ANK3: variants seen among roughly 807,000 people sequenced by gnomAD.
The protein encoded by ANK3 is ankyrin 3.
Under a neutral mutation model 370.9 loss-of-function variants are expected in ANK3, and 57 were observed. The observed-to-expected ratio is 0.15, with a 90% CI of 0.12 to 0.19. ANK3 has a LOEUF of 0.19. Among genes scored for constraint, ANK3 ranks in the 10% least tolerant of loss-of-function variants. ANK3 has a pLI of 1.00. For missense variants in ANK3, 4,439 were observed against 5,302.1 expected (o/e 0.84, Z 5.06); for synonymous variants, 1,929 against 1,946.3 (o/e 0.99, Z 0.23).
At chr10:60,232,495 G>T (rs961060386) in intron 8 of ANK3, among the ~76,000 whole-genome samples, 5 of 152,140 alleles carry the variant, frequency 3.3e-5, no homozygotes, top group Non-Finnish European at 7.3e-5. Context: ...AATGGTTCTA[G>T]CATTCTTTAC....
chr10:60,733,457 G>A (rs558927933), exon 1 of ANK3: 13 of 748,730 alleles, frequency 1.7e-5, no homozygotes, highest in Non-Finnish European at 2.2e-5. Context: ...GCCCCGCGAC[G>A]CCCGCCCAGC....
intron 17 of ANK3, among the ~76,000 whole-genome samples, chr10:60,186,347 C>CTCTCTTT (rs565262395): frequency 0.016 from 2,127 of 133,220 alleles, 35 homozygotes; most frequent in Non-Finnish European, 0.022. Context: ...ATCTTTCTGT[C>CTCTCTTT]TTTTTTTTTT....
At chr10:60,082,223 A>G in intron 34 of ANK3, 47 bp from the exon 35 acceptor site, 1 of 1,506,972 alleles carries the variant, frequency 6.6e-7, no homozygotes, top group Non-Finnish European at 9.2e-7. Flanking sequence ...ATTATAATGG[A>G]CAGCAGGGAA....
chr10:60,317,948 C>T (rs1225718461), intron 1 of ANK3, among the ~76,000 whole-genome samples: 1 of 152,026 alleles, frequency 6.6e-6, no homozygotes, highest in Non-Finnish European at 1.5e-5. Context: ...GATCTCCTGA[C>T]CTCGTGATCA....
rs1392093066 is a variant in ANK3, at chr10:60,166,576, A to C, written c.2614+15T>G. 6.2e-7 allele frequency: 1 copy of C among 1,609,890 alleles called. No homozygotes were observed. Among genetic ancestry groups the C allele is most frequent in the Admixed American group, 1.7e-5 (1 of 59,866 alleles). On this transcript the variant is annotated intron_variant, in intron 23 of 43. Coordinates refer to ENST00000280772, the MANE Select transcript of ANK3 (RefSeq NM_020987.5). Reference sequence around the variant, plus strand: ...GTAGTAGTTAAGTTTCATCACAATAAAAATTTACAAATACCTTCTTCAACA... The same window carrying C: ...GTAGTAGTTAAGTTTCATCACAATACAAATTTACAAATACCTTCTTCAACA...
chr10:60,202,232 C>T (rs2096691635), intron 12 of ANK3, among the ~76,000 whole-genome samples: 1 of 152,114 alleles, frequency 6.6e-6, no homozygotes, highest in South Asian at 2.1e-4. Context: ...GGCAATTCTC[C>T]TGCCTCAGCC....
chr10:60,314,683 A>C (rs1362658192), intron 1 of ANK3, among the ~76,000 whole-genome samples: 3 of 152,222 alleles, frequency 2.0e-5, no homozygotes, highest in Admixed American at 1.3e-4. Flanking sequence ...CAGAAAGTGT[A>C]GACCCTGATG....
At position 60,028,799 on chromosome 10, in the gene ANK3, C is replaced by A. The variant is rs1020580660; in HGVS notation, c.*1047G>T. Reference sequence around the variant, plus strand: ...CCTCTAAAGCGGCAAGCATTTACCCCCTTTTAAGCACTAACAGATAGCATC... The same window carrying A: ...CCTCTAAAGCGGCAAGCATTTACCCACTTTTAAGCACTAACAGATAGCATC... On this transcript the variant is annotated 3_prime_UTR_variant, in exon 44 of 44. Coordinates refer to ENST00000280772, the MANE Select transcript of ANK3 (RefSeq NM_020987.5). 6.6e-6 allele frequency: 1 copy of A among 152,474 alleles called. No individual in the cohort carries two copies. Among genetic ancestry groups the A allele is most frequent in the Non-Finnish European group, 1.5e-5 (1 of 68,042 alleles). 9.4% of individuals were successfully genotyped at this position (152,474 alleles called of 1,614,324 possible). A position where few individuals can be genotyped will look rare whatever the true frequency, so the allele number is the denominator to read the frequency against.
chr10:60,106,815 T>G (rs2092236821), intron 27 of ANK3, among the ~76,000 whole-genome samples: 1 of 152,252 alleles, frequency 6.6e-6, no homozygotes, highest in East Asian at 1.9e-4. Context: ...TTTTGTTAAA[T>G]TTTAAAATAG....
chr10:60,132,510 C>CA (rs1487074777), intron 25 of ANK3, among the ~76,000 whole-genome samples: 1 of 152,172 alleles, frequency 6.6e-6, no homozygotes, highest in Non-Finnish European at 1.5e-5. Context: ...GAGGCCTCCC[C>CA]AGCCATGTGG....
chr10:60,503,776 A>C (rs1216246135), intron 2 of ANK3, among the ~76,000 whole-genome samples: 2 of 152,188 alleles, frequency 1.3e-5, no homozygotes, highest in African/African-American at 4.8e-5. Context: ...GCTGTTTCCC[A>C]GGTGTCCAGA....
At chr10:60,699,961 C>A (rs573518701) in intron 1 of ANK3, among the ~76,000 whole-genome samples, 1 of 152,158 alleles carries the variant, frequency 6.6e-6, no homozygotes, top group South Asian at 2.1e-4. Context: ...TTTCAAAATT[C>A]TTTTAGGGGA....
At chr10:60,612,239 C>A (rs2078211122) in intron 2 of ANK3, among the ~76,000 whole-genome samples, 1 of 152,022 alleles carries the variant, frequency 6.6e-6, no homozygotes, top group Non-Finnish European at 1.5e-5. Flanking sequence ...TCAGAGCTCT[C>A]ACATCTGAAA....
intron 18 of ANK3, among the ~76,000 whole-genome samples, chr10:60,180,457 A>G (rs186571986): frequency 6.7e-6 from 1 of 150,212 alleles, no homozygotes; most frequent in Non-Finnish European, 1.5e-5. Context: ...TTAGTTGGGC[A>G]TGGTGGCACA....
chr10:60,067,135 GT>G (rs1315414988), intron 38 of ANK3, among the ~76,000 whole-genome samples: 1 of 152,132 alleles, frequency 6.6e-6, no homozygotes, highest in Non-Finnish European at 1.5e-5. Flanking sequence ...GGGTAGGCTA[GT>G]CCTGACATTA....
chr10:60,086,859 A>G lies in ANK3; in HGVS notation c.3566T>C (p.Val1189Ala). Residue 1189 changes from valine to alanine, a missense_variant, in exon 30 of 44, where the codon GTG (valine) becomes GCG (alanine). By Grantham distance (64) the Val-to-Ala change is moderately conservative (BLOSUM62 0). This residue lies in a region of ANK3 where 702 missense variants were observed against 941.5 expected (regional missense o/e 0.75). Coordinates refer to ENST00000280772, the MANE Select transcript of ANK3 (RefSeq NM_020987.5). Reference protein sequence around the residue: ...LQAQPVPDEIVKKILGNKATF... With the variant: ...LQAQPVPDEIAKKILGNKATF... Reference sequence around the variant, plus strand: ...TGCTTTGTTTCCAAGGATCTTTTTCACAATTTCATCTGGAACAGGCTGGGC... The same window carrying G: ...TGCTTTGTTTCCAAGGATCTTTTTCGCAATTTCATCTGGAACAGGCTGGGC... 1 of 1,613,338 alleles carries G rather than the reference A, an allele frequency of 6.2e-7. No individual in the cohort carries two copies. Among genetic ancestry groups the G allele is most frequent in the Non-Finnish European group, 8.5e-7 (1 of 1,179,930 alleles).
intron 2 of ANK3, among the ~76,000 whole-genome samples, chr10:60,522,788 A>T (rs571107106): frequency 2.0e-5 from 3 of 152,212 alleles, no homozygotes; most frequent in South Asian, 4.1e-4. Flanking sequence ...TATGAATATG[A>T]AACAGACATG....
intron 37 of ANK3, 33 bp downstream of exon 37, chr10:60,068,604 G>C: frequency 6.4e-7 from 1 of 1,561,204 alleles, no homozygotes; most frequent in Non-Finnish European, 8.7e-7. Context: ...TGTGAGCAGA[G>C]TGCTCGAGAG....
chr10:60,300,351 C>T (rs1266452751), intron 1 of ANK3: 1 of 1,289,492 alleles, frequency 7.8e-7, no homozygotes, highest in African/African-American at 1.5e-5. Context: ...TCTTCCACTG[C>T]CATTCTCTGT....
Sources: allele counts gnomAD v4.1 joint callset (sites outside exome capture counted in the v4.1 genomes callset), GRCh38; gene constraint gnomAD v4.1.1; regional missense constraint gnomAD v4.1.1; transcripts MANE v1.5; gene names NCBI Gene and HGNC (gene_info 2026-07-23, HGNC 2026-07-21).